Variants in LHB observed in about 807,000 individuals in gnomAD.
LHB encodes the protein lutropin subunit beta.
LHB carries 11 observed loss-of-function variants against 10.6 expected under a neutral mutation model. The observed-to-expected ratio is 1.04, with a 90% CI of 0.66 to 1.72. The LOEUF is 1.72. LHB is among the 40% of genes most tolerant of loss of function. The pLI is 0.00. For missense variants in LHB, 184 were observed against 197.3 expected (o/e 0.93, Z 0.41); for synonymous variants, 86 against 83.1 (o/e 1.03, Z -0.19).
upstream of LHB, chr19:49,017,919 G>A: frequency 2.5e-6 from 1 of 398,426 alleles, no homozygotes; most frequent in Non-Finnish European, 4.4e-6. Flanking sequence ...AGCTCCGCTC[G>A]GCAGCGCGGC....
upstream of LHB, chr19:49,019,056 C>G (rs551679633): frequency 1.1e-5 from 16 of 1,479,910 alleles, no homozygotes; most frequent in South Asian, 2.1e-4. Flanking sequence ...TACCCCATCC[C>G]AAGCCCTGGG....
At chr19:49,019,362 T>C, upstream of LHB, 1 of 1,228,188 alleles carries the variant, frequency 8.1e-7, no homozygotes, top group Non-Finnish European at 1.0e-6. Context: ...AACTCCAAGT[T>C]ACCTCTCCCA....
upstream of LHB, chr19:49,018,968 C>T (rs1266208434): frequency 6.5e-7 from 1 of 1,533,984 alleles, no homozygotes; most frequent in East Asian, 2.4e-5. Flanking sequence ...GCCGGCCAGA[C>T]AGCTCGGGGT....
Position 49,016,944 on chromosome 19 carries a change from T to A in LHB, c.15+123A>T, listed in dbSNP as rs934606521. 2.5e-6 allele frequency: 4 copies of A among 1,607,956 alleles called. No homozygotes were observed. In the African/African-American group the frequency reaches 5.4e-5, roughly 22 times the overall value. On this transcript the variant is annotated intron_variant, in intron 1 of 2. Transcript: ENST00000649238. ...CCTCAGGAACTGCCCCACCTGAAGC[T>A]TACTGGGGGTCATGCCCCTCCAGAA...
chr19:49,017,930 CCTGGGGGCGGGT>C (rs926590414), upstream of LHB: 2 of 398,554 alleles, frequency 5.0e-6, no homozygotes, highest in Non-Finnish European at 4.4e-6. Flanking sequence ...GCAGCGCGGC[CCTGGGGGCGGGT>C]CTGGGGTGGG....
upstream of LHB, chr19:49,018,752 G>A: frequency 1.2e-6 from 1 of 855,548 alleles, no homozygotes; most frequent in East Asian, 2.7e-5. Flanking sequence ...GGTTCTTGCT[G>A]CTACAGAAGT....
In LHB at chr19:49,017,089, G is replaced by A. The variant is rs1268141291; in HGVS notation, c.-8C>T. ...TACCTGGAGCATCTCCATCCTTGGT[G>A]CATCCCCTGCCTCGTGTATCTGGCT... is the stretch of plus-strand genomic sequence containing the variant. On this transcript the variant is annotated 5_prime_UTR_variant, in exon 1 of 3. Coordinates refer to ENST00000649238, the MANE Select transcript of LHB (RefSeq NM_000894.3). 6.2e-7 allele frequency: 1 copy of A among 1,613,826 alleles called. No individual in the cohort carries two copies. Among genetic ancestry groups the A allele is most frequent in the Non-Finnish European group, 8.5e-7 (1 of 1,179,844 alleles).
chr19:49,017,044 G>A (rs1172561203), intron 1 of LHB, 23 bp downstream of exon 1: 4 of 1,613,510 alleles, frequency 2.5e-6, no homozygotes, highest in African/African-American at 2.7e-5. Context: ...GGTGGAAGGT[G>A]CCCAGGGGCC....
upstream of LHB, chr19:49,018,134 G>C (rs2039589612): frequency 2.5e-6 from 1 of 400,276 alleles, no homozygotes; most frequent in Admixed American, 4.4e-5. Flanking sequence ...GGGGCTGTAG[G>C]ACTCCTGAGC....
upstream of LHB, chr19:49,017,221 A>G (rs2039571492): frequency 4.8e-6 from 7 of 1,446,764 alleles, 1 homozygote; most frequent in Middle Eastern, 3.9e-4. Flanking sequence ...ATGGCCAGGG[A>G]GGCGCAGGAG....
At chr19:49,018,829 C>T, upstream of LHB, 2 of 1,475,080 alleles carry the variant, frequency 1.4e-6, no homozygotes, top group Non-Finnish European at 1.8e-6. Flanking sequence ...CCGGCCACGG[C>T]GGGGGCTGTG....
At chr19:49,017,673 C>CG, upstream of LHB, 1 of 723,624 alleles carries the variant, frequency 1.4e-6, no homozygotes, top group Non-Finnish European at 1.8e-6. Context: ...ATGCCCGGAG[C>CG]GTCCCCGGAA....
At chr19:49,017,912 T>A, upstream of LHB, 1 of 398,282 alleles carries the variant, frequency 2.5e-6, no homozygotes, top group East Asian at 3.6e-5. Context: ...GGTCCCGAGC[T>A]CCGCTCGGCA....
chr19:49,018,124 G>A, upstream of LHB: 1 of 399,738 alleles, frequency 2.5e-6, no homozygotes, highest in Non-Finnish European at 4.4e-6. Context: ...GGTGCAGCAG[G>A]GGGCTGTAGG....
At chr19:49,017,848 TAGACGTAATG>T, upstream of LHB, 1 of 398,440 alleles carries the variant, frequency 2.5e-6, no homozygotes, top group East Asian at 3.6e-5. Context: ...ACGTTGCCAA[TAGACGTAATG>T]AGTGCGACTC....
intron 1 of LHB, 45 bp from the exon 2 acceptor site, chr19:49,016,759 C>T (rs773261428): frequency 4.9e-5 from 78 of 1,605,892 alleles, no homozygotes; most frequent in Non-Finnish European, 5.7e-5. Flanking sequence ...ACCGCAGCCC[C>T]GAGTCCTGGC....
rs4287687 is a variant in LHB, at chr19:49,016,529, T to A, written c.183+18A>T. On this transcript the variant is annotated intron_variant, in intron 2 of 2. Transcript: ENST00000649238. ...GCCCTGAGGTGGCAGCATCTGCCCC[T>A]GGCCCCAGGCAGCTCACCATGGTGG... The A allele has an allele frequency of 3.4e-6, 1 of 292,768 alleles. No individual in the cohort carries two copies. The highest frequency in any genetic ancestry group is 4.7e-6 in the Non-Finnish European group (1 of 213,798). 18.1% of individuals were successfully genotyped at this position (292,768 alleles called of 1,614,324 possible).
At chr19:49,019,474 G>A, upstream of LHB, 1 of 1,238,154 alleles carries the variant, frequency 8.1e-7, no homozygotes, top group African/African-American at 1.6e-5. Flanking sequence ...TGAGTTTGTA[G>A]TCCCTGGTCC....
In LHB at chr19:49,016,530, G is replaced by A. The variant is rs773773209; in HGVS notation, c.183+17C>T. On this transcript the variant is annotated intron_variant, in intron 2 of 2. Transcript: ENST00000649238. ...CCCTGAGGTGGCAGCATCTGCCCCT[G>A]GCCCCAGGCAGCTCACCATGGTGGG... 5.4e-6 allele frequency: 8 copies of A among 1,473,078 alleles called. No homozygotes were observed. Among genetic ancestry groups the A allele is most frequent in the East Asian group, 2.4e-5 (1 of 41,982 alleles). 91.3% of individuals were successfully genotyped at this position (1,473,078 alleles called of 1,614,324 possible).
Sources: allele counts gnomAD v4.1 joint callset, GRCh38; gene constraint gnomAD v4.1.1; transcripts MANE v1.5; gene names NCBI Gene and HGNC (gene_info 2026-07-23, HGNC 2026-07-21).